Variants in NAALAD2 observed in about 807,000 individuals in gnomAD.
NAALAD2 encodes N-acetylated-alpha-linked acidic dipeptidase 2.
In NAALAD2, 89 loss-of-function variants were observed where a neutral mutation model predicts 95.6. The ratio of observed to expected loss-of-function variants is 0.93; its 90% CI spans 0.78 to 1.11. The LOEUF is 1.11. Among genes scored for constraint, NAALAD2 ranks in the 50% least tolerant of loss-of-function variants. NAALAD2 has a pLI of 0.00. For missense variants in NAALAD2, 894 were observed against 872.4 expected (o/e 1.02, Z -0.31); for synonymous variants, 264 against 294.4 (o/e 0.90, Z 1.06).
intron 15 of NAALAD2, 27 bp downstream of exon 15, chr11:90,176,089 A>G (rs1340785012): frequency 2.6e-6 from 4 of 1,539,386 alleles, no homozygotes; most frequent in South Asian, 1.1e-5. Flanking sequence ...TTTTGAATAT[A>G]TAACATTTCA....
chr11:90,178,577 A>T (rs1352860976), intron 16 of NAALAD2, among the ~76,000 whole-genome samples: 1 of 151,976 alleles, frequency 6.6e-6, no homozygotes, highest in African/African-American at 2.4e-5. Context: ...AGGCTGAGGC[A>T]GGAGAATGGC....
In NAALAD2 at chr11:90,159,041, A is replaced by T. The variant is rs3740808; in HGVS notation, c.891-198A>T. ...TGCTCTCATCACTAACATATTACGT[A>T]TTTTACTTACTGATTTCAGTATGGC... On this transcript the variant is annotated intron_variant, in intron 7 of 18. Transcript: ENST00000534061. The T allele has an allele frequency of 0.41, 223,163 of 549,270 alleles. 47,923 individuals are homozygous for T. Among genetic ancestry groups the T allele is most frequent in the African/African-American group, 0.62 (32,427 of 52,170 alleles). 34.0% of individuals were successfully genotyped at this position (549,270 alleles called of 1,614,324 possible). A position where few individuals can be genotyped will look rare whatever the true frequency, so the allele number is the denominator to read the frequency against.
At chr11:90,168,764 C>T (rs549956221) in intron 11 of NAALAD2, among the ~76,000 whole-genome samples, 165 bp from the exon 12 acceptor site, 113 of 152,252 alleles carry the variant, frequency 7.4e-4, no homozygotes, top group Non-Finnish European at 1.0e-3. Flanking sequence ...TGTTAACAAA[C>T]TGGTTTTCTG....
intron 11 of NAALAD2, among the ~76,000 whole-genome samples, chr11:90,167,529 G>A (rs538066087): frequency 6.6e-6 from 1 of 152,212 alleles, no homozygotes; most frequent in Non-Finnish European, 1.5e-5. Flanking sequence ...AAGTGCCGGC[G>A]CACATCGTGG....
chr11:90,155,957 C>A (rs1193256601), intron 6 of NAALAD2, among the ~76,000 whole-genome samples: 2 of 145,694 alleles, frequency 1.4e-5, no homozygotes, highest in Middle Eastern at 7.4e-3. Flanking sequence ...CTCAAGTGAG[C>A]CTTGGTAGTT....
chr11:90,142,437 G>A (rs1330348047), intron 2 of NAALAD2, among the ~76,000 whole-genome samples: 1 of 151,968 alleles, frequency 6.6e-6, no homozygotes. Flanking sequence ...ATCTTTTTAA[G>A]TCTATTTTAT....
chr11:90,168,484 G>T (rs1182288818), intron 11 of NAALAD2, among the ~76,000 whole-genome samples: 3 of 152,064 alleles, frequency 2.0e-5, no homozygotes, highest in African/African-American at 7.3e-5. Context: ...TCTAGCCTGG[G>T]CAACAGAGTG....
rs955649392 is a variant in NAALAD2, at chr11:90,169,723, T to C, written c.1343-346T>C. 1.5e-4 allele frequency: 37 copies of C among 253,414 alleles called. No individual in the cohort carries two copies. The Middle Eastern group carries it at 8.4e-3, about 57-fold the overall frequency. The allele number at this position is 253,414 out of a possible 1,614,324, so 15.7% of individuals were successfully genotyped here. On this transcript the variant is annotated intron_variant, in intron 12 of 18. Coordinates refer to ENST00000534061, the MANE Select transcript of NAALAD2 (RefSeq NM_005467.4). ...CTTTGTCTAATATCTTGATATATAC[T>C]ATTGCATAGAATGAAACAAGTAAAA...
At chr11:90,184,349 T>C (rs963729271) in intron 18 of NAALAD2, among the ~76,000 whole-genome samples, 8 of 152,276 alleles carry the variant, frequency 5.3e-5, no homozygotes, top group Admixed American at 3.9e-4. Context: ...GAGATTATAA[T>C]TGCTTTTACT....
Position 90,182,910 on chromosome 11 carries a change from T to G in NAALAD2, c.1941-6T>G. 6.3e-7 allele frequency: 1 copy of G among 1,597,882 alleles called. No individual in the cohort carries two copies. The highest frequency in any genetic ancestry group is 8.6e-7 in the Non-Finnish European group (1 of 1,165,798). ...CGTTATAATTATGTATATGTTCTTC[T>G]CGAAGTCCCATTGCAGTGAGAATGA... On this transcript the variant is annotated splice_polypyrimidine_tract_variant and splice_region_variant and intron_variant, in intron 17 of 18. Transcript: ENST00000534061.
At chr11:90,133,262 G>A (rs567266229), upstream of NAALAD2, among the ~76,000 whole-genome samples, 3 of 152,266 alleles carry the variant, frequency 2.0e-5, no homozygotes, top group East Asian at 3.9e-4. Context: ...GGTTAGATAC[G>A]TGAAGCCAAT....
chr11:90,145,804 A>G (rs1951738115), intron 2 of NAALAD2, among the ~76,000 whole-genome samples: 1 of 152,186 alleles, frequency 6.6e-6, no homozygotes, highest in African/African-American at 2.4e-5. Context: ...TAAAGATCAT[A>G]ATCATTTTAT....
chr11:90,142,756 G>C (rs1332164265), intron 2 of NAALAD2, among the ~76,000 whole-genome samples: 2 of 151,772 alleles, frequency 1.3e-5, no homozygotes, highest in Non-Finnish European at 2.9e-5. Context: ...GCCACTTTTT[G>C]GTTTGTTTTC....
At chr11:90,185,798 T>G (rs1857120429) in intron 18 of NAALAD2, among the ~76,000 whole-genome samples, 1 of 151,986 alleles carries the variant, frequency 6.6e-6, no homozygotes, top group South Asian at 2.1e-4. Context: ...GAGTCCTATT[T>G]GAACATTTGT....
intron 17 of NAALAD2, 134 bp from the exon 18 acceptor site, chr11:90,182,782 G>T: frequency 1.7e-6 from 1 of 600,120 alleles, no homozygotes; most frequent in Non-Finnish European, 2.9e-6. Flanking sequence ...AAGCATTACT[G>T]TGTTAATATT....
At chr11:90,157,728 CT>C (rs35245326) in intron 6 of NAALAD2, among the ~76,000 whole-genome samples, 10 of 149,116 alleles carry the variant, frequency 6.7e-5, no homozygotes, top group South Asian at 2.1e-4. Flanking sequence ...TTTTGGGGAA[CT>C]TTTTTTTTTT....
At chr11:90,171,958 G>T (rs1173186486) in intron 13 of NAALAD2, among the ~76,000 whole-genome samples, 1 of 152,078 alleles carries the variant, frequency 6.6e-6, no homozygotes, top group Non-Finnish European at 1.5e-5. Flanking sequence ...CTGAGCCCAG[G>T]AGTGTAAGCC....
At chr11:90,149,143 A>G (rs759613010) in intron 4 of NAALAD2, 36 bp downstream of exon 4, 11 of 1,380,418 alleles carry the variant, frequency 8.0e-6, no homozygotes, top group East Asian at 4.7e-5. Context: ...AAGTCTTTAA[A>G]TGGTTCTTTT....
chr11:90,155,344 A>T (rs1214416343), intron 6 of NAALAD2, among the ~76,000 whole-genome samples: 3 of 115,364 alleles, frequency 2.6e-5, no homozygotes, highest in South Asian at 4.9e-4. Context: ...AATTATATAT[A>T]TTATATATTA....
Sources: allele counts gnomAD v4.1 joint callset (sites outside exome capture counted in the v4.1 genomes callset), GRCh38; gene constraint gnomAD v4.1.1; transcripts MANE v1.5; gene names NCBI Gene and HGNC (gene_info 2026-07-23, HGNC 2026-07-21).